The following UNC5D variants were observed in gnomAD, a reference collection of about 807,000 sequenced individuals.
The protein encoded by UNC5D is netrin receptor UNC5D.
UNC5D carries 39 observed loss-of-function variants against 105.4 expected under a neutral mutation model. That is an observed-to-expected ratio of 0.37 (90% CI 0.29 to 0.48). The LOEUF is 0.48. UNC5D is among the 20% of genes least tolerant of loss of function. UNC5D has a pLI of 0.98. For missense variants in UNC5D, 991 were observed against 1,202.4 expected (o/e 0.82, Z 2.60); for synonymous variants, 452 against 450.4 (o/e 1.00, Z -0.04).
chr8:35,495,976 G>A (rs2130172244), intron 1 of UNC5D, among the ~76,000 whole-genome samples: 1 of 152,244 alleles, frequency 6.6e-6, no homozygotes, highest in East Asian at 1.9e-4. Flanking sequence ...TTACGTGGTG[G>A]CAAAAGGGGA....
intron 8 of UNC5D, among the ~76,000 whole-genome samples, chr8:35,715,163 C>CA (rs1045296834): frequency 2.0e-5 from 3 of 151,004 alleles, no homozygotes; most frequent in Non-Finnish European, 3.0e-5. Flanking sequence ...AAAAAACAAA[C>CA]AAAAAAAAGA....
At chr8:35,262,284 C>T (rs1200649819) in intron 1 of UNC5D, among the ~76,000 whole-genome samples, 1 of 152,106 alleles carries the variant, frequency 6.6e-6, no homozygotes, top group African/African-American at 2.4e-5. Context: ...CCTCTGTTTC[C>T]AGTTAGCATG....
intron 4 of UNC5D, among the ~76,000 whole-genome samples, chr8:35,668,676 A>G (rs1824583568): frequency 1.3e-5 from 2 of 152,116 alleles, no homozygotes; most frequent in African/African-American, 4.8e-5. Context: ...ACTCTGGAGA[A>G]GTTTTAGTGA....
chr8:35,679,108 C>A (rs182996993), intron 4 of UNC5D, among the ~76,000 whole-genome samples: 2 of 151,878 alleles, frequency 1.3e-5, no homozygotes, highest in Non-Finnish European at 1.5e-5. Flanking sequence ...TAAAAATAAC[C>A]TGGTGTGGTG....
At chr8:35,572,275 CAAA>C (rs58478029) in intron 3 of UNC5D, among the ~76,000 whole-genome samples, 448 of 72,446 alleles carry the variant, frequency 6.2e-3, no homozygotes, top group African/African-American at 0.021. Flanking sequence ...GCGAGACTGT[CAAA>C]AAAAAAAAAA....
intron 1 of UNC5D, among the ~76,000 whole-genome samples, chr8:35,545,257 G>T (rs930988454): frequency 1.3e-5 from 2 of 152,318 alleles, no homozygotes; most frequent in East Asian, 3.9e-4. Context: ...CCAAAGAATA[G>T]AATCTGTCAG....
chr8:35,494,068 A>G (rs1257059027), intron 1 of UNC5D, among the ~76,000 whole-genome samples: 1 of 152,146 alleles, frequency 6.6e-6, no homozygotes, highest in African/African-American at 2.4e-5. Flanking sequence ...AAGCTCTCAA[A>G]GTGATCTTTC....
At chr8:35,482,014 T>C (rs1423356770) in intron 1 of UNC5D, among the ~76,000 whole-genome samples, 1 of 152,124 alleles carries the variant, frequency 6.6e-6, no homozygotes, top group Non-Finnish European at 1.5e-5. Context: ...GTGAGAGAAA[T>C]ATATAGATAG....
At chr8:35,595,710 G>T in intron 4 of UNC5D, 53 bp downstream of exon 4, 1 of 1,537,184 alleles carries the variant, frequency 6.5e-7, no homozygotes, top group Non-Finnish European at 9.0e-7. Context: ...CTGTTCCCAA[G>T]AGGGAGGGCG....
At chr8:35,684,040 T>A (rs931393661) in intron 5 of UNC5D, among the ~76,000 whole-genome samples, 1 of 152,202 alleles carries the variant, frequency 6.6e-6, no homozygotes, top group African/African-American at 2.4e-5. Flanking sequence ...ATGGGCAACT[T>A]CTGCTTCCCA....
chr8:35,317,889 T>TTGCCTTCTACTTAGACAAGACAACTTAGG, intron 1 of UNC5D, among the ~76,000 whole-genome samples: 1 of 152,244 alleles, frequency 6.6e-6, no homozygotes, highest in Admixed American at 6.5e-5. Context: ...GACAACTTAG[T>TTGCCTTCTACTTAGACAAGACAACTTAGG]TCTTGGTTGT....
At chr8:35,628,825 C>T (rs1409946028) in intron 4 of UNC5D, among the ~76,000 whole-genome samples, 1 of 152,166 alleles carries the variant, frequency 6.6e-6, no homozygotes, top group African/African-American at 2.4e-5. Context: ...AGATTTCCAA[C>T]AGTGTGGCCC....
chr8:35,628,766 T>A (rs550809618), intron 4 of UNC5D, among the ~76,000 whole-genome samples: 1 of 152,310 alleles, frequency 6.6e-6, no homozygotes, highest in East Asian at 1.9e-4. Flanking sequence ...AGCAGTTAGT[T>A]TAATGCTTAT....
chr8:35,266,468 A>C (rs938582169), intron 1 of UNC5D, among the ~76,000 whole-genome samples: 3 of 152,240 alleles, frequency 2.0e-5, no homozygotes, highest in African/African-American at 7.2e-5. Context: ...TAAAGTGCAG[A>C]TGTTCCAACA....
intron 2 of UNC5D, among the ~76,000 whole-genome samples, chr8:35,562,297 C>T (rs1216432514): frequency 3.3e-5 from 5 of 151,994 alleles, no homozygotes; most frequent in Admixed American, 6.6e-5. Flanking sequence ...TTCACGGGGT[C>T]GCAGATATCT....
rs147021095 is a variant in UNC5D at position 35,437,216 on chromosome 8, A to C, written c.104-112076A>C. Among the ~76,000 whole-genome samples the C allele has an allele frequency of 4.1e-3, 626 of 152,210 alleles. 2 individuals carry two copies. The highest frequency in any genetic ancestry group is 0.014 in the African/African-American group (571 of 41,562). On this transcript the variant is annotated intron_variant, in intron 1 of 16. Coordinates refer to ENST00000404895, the MANE Select transcript of UNC5D (RefSeq NM_080872.4). ...ATATTGCATTTATCATGCTCATTAT[A>C]AAAATTTAAACATGTGCCATTATCT...
intron 1 of UNC5D, among the ~76,000 whole-genome samples, chr8:35,405,079 G>A (rs1804717714): frequency 6.6e-6 from 1 of 152,132 alleles, no homozygotes; most frequent in Non-Finnish European, 1.5e-5. Context: ...GAAACATAAA[G>A]CTTTTTAGAA....
At chr8:35,330,557 C>A (rs1023640061) in intron 1 of UNC5D, among the ~76,000 whole-genome samples, 10 of 152,174 alleles carry the variant, frequency 6.6e-5, no homozygotes, top group Non-Finnish European at 1.2e-4. Flanking sequence ...GTTCAGCCAT[C>A]GTGGTATAAT....
intron 4 of UNC5D, among the ~76,000 whole-genome samples, chr8:35,629,426 A>G (rs930967270): frequency 2.0e-5 from 3 of 152,310 alleles, no homozygotes. Flanking sequence ...AAGTGAACAA[A>G]TTCAGCAACA....
Sources: allele counts gnomAD v4.1 joint callset (sites outside exome capture counted in the v4.1 genomes callset), GRCh38; gene constraint gnomAD v4.1.1; transcripts MANE v1.5; gene names NCBI Gene and HGNC (gene_info 2026-07-23, HGNC 2026-07-21).